The following PRELID2 variants were observed in gnomAD, a reference collection of about 807,000 sequenced individuals.
The protein encoded by PRELID2 is PRELI domain-containing protein 2.
In PRELID2, 25 loss-of-function variants were observed where a neutral mutation model predicts 28.4. That is an observed-to-expected ratio of 0.88 (90% CI 0.64 to 1.23). The LOEUF (loss-of-function observed/expected upper bound fraction) is 1.23. Among genes scored for constraint, PRELID2 ranks in the 50% most tolerant of loss-of-function variants. The pLI, the probability that PRELID2 is intolerant of heterozygous loss-of-function variation, is 0.00. For missense variants in PRELID2, 201 were observed against 214.4 expected, an observed-to-expected ratio of 0.94 and a Z score of 0.39; for synonymous variants, 76 against 71.6, an observed-to-expected ratio of 1.06 and a Z score of -0.31.
intron 1 of PRELID2, among the ~76,000 whole-genome samples, chr5:145,672,399 G>A (rs758392743): frequency 2.6e-5 from 4 of 151,502 alleles, no homozygotes; most frequent in Non-Finnish European, 4.4e-5. Context: ...TACCAGTGCC[G>A]GCATTCGCAA....
At chr5:145,693,875 CAGTTGGGAAGATG>C (rs1357423414) in intron 1 of PRELID2, among the ~76,000 whole-genome samples, 1 of 152,124 alleles carries the variant, frequency 6.6e-6, no homozygotes, top group African/African-American at 2.4e-5. Context: ...GAATATATAA[CAGTTGGGAAGATG>C]GTCTTGATAT....
the PRELID2 span, among the ~76,000 whole-genome samples, chr5:145,396,888 A>G: frequency 6.6e-6 from 1 of 151,906 alleles, no homozygotes; most frequent in African/African-American, 2.4e-5. Flanking sequence ...GGGAATTTGA[A>G]AAAAACCACA....
At chr5:145,780,062 C>A (rs2149793237) in intron 5 of PRELID2, among the ~76,000 whole-genome samples, 1 of 152,324 alleles carries the variant, frequency 6.6e-6, no homozygotes, top group South Asian at 2.1e-4. Context: ...CCCATAATCC[C>A]AGCACTTTGG....
chr5:145,776,319 A>G (rs951055459), intron 5 of PRELID2, among the ~76,000 whole-genome samples: 2 of 152,240 alleles, frequency 1.3e-5, no homozygotes, highest in Admixed American at 6.5e-5. Flanking sequence ...CCGTTGCAGT[A>G]TCACTGTGCC....
chr5:145,589,189 T>C (rs1306197178), intron 1 of PRELID2, among the ~76,000 whole-genome samples: 1 of 152,200 alleles, frequency 6.6e-6, no homozygotes, highest in African/African-American at 2.4e-5. Context: ...TGCATCATCC[T>C]TCCCTTACTG....
intron 1 of PRELID2, among the ~76,000 whole-genome samples, chr5:145,625,538 A>AT (rs1382832329): frequency 6.6e-6 from 1 of 152,122 alleles, no homozygotes; most frequent in Non-Finnish European, 1.5e-5. Context: ...GCAAACAGTC[A>AT]TTTTTTTAAA....
chr5:145,368,320 G>A, the PRELID2 span, among the ~76,000 whole-genome samples: 123 of 151,916 alleles, frequency 8.1e-4, 1 homozygote, highest in Non-Finnish European at 1.3e-3. Context: ...CTGAAAAAAA[G>A]GGAGGGAGAA....
chr5:145,362,812 G>C, the PRELID2 span, among the ~76,000 whole-genome samples: 1 of 152,018 alleles, frequency 6.6e-6, no homozygotes, highest in Admixed American at 6.6e-5. Context: ...TGGTGTTTTG[G>C]CTGCCATGAA....
intron 1 of PRELID2, among the ~76,000 whole-genome samples, chr5:145,558,940 A>G (rs1752903132): frequency 6.6e-6 from 1 of 152,188 alleles, no homozygotes; most frequent in Non-Finnish European, 1.5e-5. Flanking sequence ...TTGCACAACC[A>G]TGAAAATAAA....
the PRELID2 span, among the ~76,000 whole-genome samples, chr5:145,334,899 T>G: frequency 1.3e-5 from 2 of 152,034 alleles, no homozygotes; most frequent in Admixed American, 1.3e-4. Flanking sequence ...TTACTCTTCC[T>G]GCTTTCAAAA....
At chr5:145,825,950 A>C in intron 1 of PRELID2, 2 of 854,354 alleles carry the variant, frequency 2.3e-6, no homozygotes, top group Non-Finnish European at 2.8e-6. Flanking sequence ...CATGAGAAAA[A>C]GTTGAAAGAG....
chr5:145,705,049 G>A (rs1384025147), intron 1 of PRELID2, among the ~76,000 whole-genome samples: 7 of 152,078 alleles, frequency 4.6e-5, no homozygotes, highest in Admixed American at 2.0e-4. Context: ...GGTGGTTTCC[G>A]TTACTTGCAA....
intron 1 of PRELID2, among the ~76,000 whole-genome samples, chr5:145,735,972 T>C (rs1051132589): frequency 1.3e-5 from 2 of 152,196 alleles, no homozygotes; most frequent in Non-Finnish European, 2.9e-5. Flanking sequence ...ATGCCAGATT[T>C]TGTTTAAAAC....
the PRELID2 span, among the ~76,000 whole-genome samples, chr5:145,441,363 T>C: frequency 2.0e-5 from 3 of 152,106 alleles, no homozygotes; most frequent in Non-Finnish European, 4.4e-5. Context: ...AGTTAGATAC[T>C]AACCATCAGC....
chr5:145,478,640 T>C (rs1399578429), intron 1 of PRELID2, among the ~76,000 whole-genome samples: 1 of 152,224 alleles, frequency 6.6e-6, no homozygotes, highest in Non-Finnish European at 1.5e-5. Flanking sequence ...CTGGGACATT[T>C]GTGGCTGAAT....
At chr5:145,251,359 C>A in the PRELID2 span, among the ~76,000 whole-genome samples, 1 of 151,864 alleles carries the variant, frequency 6.6e-6, no homozygotes, top group East Asian at 1.9e-4. Context: ...CCCAAGCAAA[C>A]TTTTTAAGTG....
the PRELID2 span, among the ~76,000 whole-genome samples, chr5:145,321,622 G>C: frequency 1.3e-5 from 2 of 152,124 alleles, no homozygotes; most frequent in African/African-American, 4.8e-5. Flanking sequence ...TGTTTTATTG[G>C]ACATAAGAGG....
chr5:145,363,409 T>C, the PRELID2 span, among the ~76,000 whole-genome samples: 73 of 152,162 alleles, frequency 4.8e-4, 1 homozygote, highest in African/African-American at 1.6e-3. Context: ...CAAAATCCTG[T>C]GACAAGTACT....
chr5:145,698,034 A>C (rs1755320243), intron 1 of PRELID2, among the ~76,000 whole-genome samples: 1 of 152,070 alleles, frequency 6.6e-6, no homozygotes, highest in South Asian at 2.1e-4. Context: ...TTTGCAAGGC[A>C]ATTCAAAACA....
Sources: gnomAD v4.1 joint callset for allele counts (sites outside exome capture counted in the v4.1 genomes callset) on GRCh38, gnomAD v4.1.1 for gene constraint, MANE v1.5 for transcripts, NCBI Gene and HGNC (gene_info 2026-07-23, HGNC 2026-07-21) for gene names.